Variants in SAMHD1 observed in about 807,000 individuals in gnomAD.
The protein encoded by SAMHD1 is SAM and HD domain containing deoxynucleoside triphosphate triphosphohydrolase 1.
A neutral mutation model predicts 79.6 loss-of-function variants in SAMHD1; 54 were observed. The observed-to-expected ratio is 0.68, with a 90% confidence interval of 0.55 to 0.85. The LOEUF is 0.85. Among genes scored for constraint, SAMHD1 ranks in the 40% least tolerant of loss-of-function variants. The probability of loss-of-function intolerance (pLI) is 0.00; values close to 1 mark genes in which losing one functional copy is unlikely to be tolerated. For synonymous variants in SAMHD1, 260 were observed against 264.1 expected, an observed-to-expected ratio of 0.98 and a Z score of 0.15; for missense variants, 663 against 782.7, an observed-to-expected ratio of 0.85 and a Z score of 1.82.
chr20:36,906,474 T>G (rs189142160), intron 11 of SAMHD1, among the ~76,000 whole-genome samples: 147 of 152,204 alleles, frequency 9.7e-4, no homozygotes, highest in African/African-American at 3.3e-3. Flanking sequence ...TCCTGAAGTA[T>G]TTACAAGCAA....
intron 1 of SAMHD1, among the ~76,000 whole-genome samples, chr20:36,948,139 G>A (rs2063707015): frequency 6.6e-6 from 1 of 152,052 alleles, no homozygotes; most frequent in South Asian, 2.1e-4. Context: ...TGTGTTGAGT[G>A]TAGTAACTTA....
At chr20:36,951,370 C>T (rs2035250935) in intron 1 of SAMHD1, 66 bp downstream of exon 1, 1 of 1,603,148 alleles carries the variant, frequency 6.2e-7, no homozygotes, top group East Asian at 2.2e-5. Context: ...GGCCCCCTCC[C>T]TCAGGGCGCC....
At chr20:36,899,461 C>T (rs1034997926) in intron 13 of SAMHD1, among the ~76,000 whole-genome samples, 1 of 151,988 alleles carries the variant, frequency 6.6e-6, no homozygotes, top group Admixed American at 6.6e-5. Flanking sequence ...TCCTAGCCCC[C>T]ACAAACCAGG....
At chr20:36,942,035 G>A (rs1204764860) in intron 2 of SAMHD1, among the ~76,000 whole-genome samples, 3 of 152,104 alleles carry the variant, frequency 2.0e-5, no homozygotes, top group East Asian at 1.9e-4. Context: ...GAGCAAAACC[G>A]GAGTCATAGC....
chr20:36,930,794 G>A lies in SAMHD1; in HGVS notation c.591C>T (p.Leu197=). 6.2e-7 allele frequency: 1 copy of A among 1,613,708 alleles called. No homozygotes were observed. Among genetic ancestry groups the A allele is most frequent in the Non-Finnish European group, 8.5e-7 (1 of 1,179,838 alleles). ...PELQISERDV[L]CVQIAGLCHD... ...GACAAAGTCCAGCAATCTGAACACA[G>A]AGAACATCTCGTTCACTTATCTGCA... The change falls in exon 5 of 16, where the codon CTC becomes CTT. Residue 197 remains leucine (L), a synonymous_variant. Coordinates refer to ENST00000646673, the MANE Select transcript of SAMHD1 (RefSeq NM_015474.4).
At chr20:36,947,037 T>C (rs1305212976) in intron 1 of SAMHD1, 1 of 416,600 alleles carries the variant, frequency 2.4e-6, no homozygotes, top group Admixed American at 4.0e-5. Flanking sequence ...AAATTATTTG[T>C]GTAAATTAGT....
At chr20:36,923,093 T>C (rs778475907) in intron 6 of SAMHD1, among the ~76,000 whole-genome samples, 9 of 152,138 alleles carry the variant, frequency 5.9e-5, no homozygotes, top group Non-Finnish European at 1.0e-4. Context: ...CTCCGCCTCC[T>C]GGGTTCACGC....
chr20:36,912,830 C>T (rs1193062519), intron 9 of SAMHD1, among the ~76,000 whole-genome samples: 1 of 135,746 alleles, frequency 7.4e-6, no homozygotes, highest in East Asian at 2.1e-4. Context: ...GATCTTCCTA[C>T]CTCAGCCTTG....
intron 11 of SAMHD1, 44 bp from the exon 12 acceptor site, chr20:36,905,547 A>G (rs1389460850): frequency 1.2e-5 from 18 of 1,491,414 alleles, no homozygotes; most frequent in Non-Finnish European, 1.7e-5. Flanking sequence ...ATAAAAACAC[A>G]GAGTTAAAGA....
intron 15 of SAMHD1, among the ~76,000 whole-genome samples, chr20:36,894,593 C>T (rs995426963): frequency 6.6e-5 from 10 of 151,410 alleles, no homozygotes; most frequent in African/African-American, 2.4e-4. Context: ...ATGGTGAGAC[C>T]CCGTCTTTAC....
intron 6 of SAMHD1, among the ~76,000 whole-genome samples, chr20:36,923,925 G>A (rs1202289619): frequency 2.6e-5 from 4 of 152,140 alleles, no homozygotes; most frequent in Non-Finnish European, 5.9e-5. Flanking sequence ...GGGAATGCTT[G>A]GGGAGAACAA....
intron 6 of SAMHD1, among the ~76,000 whole-genome samples, chr20:36,925,357 C>T (rs1480462174): frequency 6.6e-6 from 1 of 152,112 alleles, no homozygotes; most frequent in Non-Finnish European, 1.5e-5. Flanking sequence ...TGGAGAGAGA[C>T]CAAAACCAAG....
At chr20:36,950,584 T>A (rs1393118126) in intron 1 of SAMHD1, among the ~76,000 whole-genome samples, 1 of 152,184 alleles carries the variant, frequency 6.6e-6, no homozygotes, top group Admixed American at 6.6e-5. Context: ...CAAGGATGGA[T>A]GCTTGGATAC....
rs2063403828 is a variant in SAMHD1, at chr20:36,906,125, A to G, written c.1271-622T>C. On this transcript the variant is annotated intron_variant, in intron 11 of 15. Transcript: ENST00000646673. ...AAAGGTGTATGGATTTATTGTTGAC[A>G]TGTTTTATTTTGTCTTTAAGAAAGA... Among the ~76,000 whole-genome samples the G allele has an allele frequency of 2.6e-5, 4 of 152,110 alleles. 1 individual carries two copies. In the South Asian group the frequency reaches 6.2e-4, roughly 24 times the overall value.
intron 1 of SAMHD1, 69 bp from the exon 2 acceptor site, chr20:36,946,873 A>G: frequency 8.2e-7 from 1 of 1,213,808 alleles, no homozygotes; most frequent in East Asian, 2.5e-5. Flanking sequence ...ATTTGGATAC[A>G]CCAACATTTA....
At chr20:36,914,794 G>A (rs1048085365) in intron 9 of SAMHD1, among the ~76,000 whole-genome samples, 9 of 151,668 alleles carry the variant, frequency 5.9e-5, no homozygotes, top group Non-Finnish European at 1.0e-4. Flanking sequence ...GTTGCTTGAG[G>A]TCAGAAGTTC....
At position 36,919,491 on chromosome 20, in the gene SAMHD1, T is replaced by C; in HGVS notation, c.725A>G (p.Glu242Gly). 1 of 1,613,624 alleles carries C rather than the reference T, an allele frequency of 6.2e-7. No individual in the cohort carries two copies. The highest frequency in any genetic ancestry group is 8.5e-7 in the Non-Finnish European group (1 of 1,179,834). ...THEQGSVMMFEHLINSNGIKP... is the reference protein window; with the variant it reads ...THEQGSVMMFGHLINSNGIKP... ...AATTCCATTAGAATTAATAAGGTGC[T>C]CAAACATCATAACTGAGCCTTGTTC... The change falls in exon 7 of 16, where the codon GAG (glutamate) becomes GGG (glycine). Residue 242 changes from glutamate (E) to glycine (G), a missense_variant. Glu to Gly is a moderately conservative substitution (Grantham distance 98). Transcript: ENST00000646673.
At chr20:36,927,142 G>A in intron 6 of SAMHD1, 40 bp downstream of exon 6, 1 of 1,528,368 alleles carries the variant, frequency 6.5e-7, no homozygotes, top group Non-Finnish European at 9.1e-7. Flanking sequence ...TGCTTAAATA[G>A]TCTTTCTTTT....
chr20:36,905,483 A>C lies in SAMHD1; in HGVS notation c.1291T>G (p.Leu431Val). The change falls in exon 12 of 16, where the codon TTA becomes GTA. Residue 431 changes from leucine (L) to valine (V), a missense_variant. Coordinates refer to ENST00000646673, the MANE Select transcript of SAMHD1 (RefSeq NM_015474.4). ...TTCAATTTGGGATCAGTAGAGTATA[A>C]AATCTCCAGAAAAATGTTATCTGCC... ...KLTDNIFLEI[L>V]YSTDPKLKDA... 6.2e-7 allele frequency: 1 copy of C among 1,611,044 alleles called. No homozygotes were observed. The highest frequency in any genetic ancestry group is 8.5e-7 in the Non-Finnish European group (1 of 1,177,280).
Sources: gnomAD v4.1 joint callset for allele counts (sites outside exome capture counted in the v4.1 genomes callset) on GRCh38, gnomAD v4.1.1 for gene constraint, MANE v1.5 for transcripts, NCBI Gene and HGNC (gene_info 2026-07-23, HGNC 2026-07-21) for gene names.